LARS1: variants seen among roughly 807,000 people sequenced by gnomAD.
LARS1 encodes leucine--tRNA ligase, cytoplasmic.
Under a neutral mutation model 162.8 loss-of-function variants are expected in LARS1, and 100 were observed. That is an observed-to-expected ratio of 0.61 (90% confidence interval 0.52 to 0.73). The LOEUF (loss-of-function observed/expected upper bound fraction) is 0.73. LARS1 is among the 30% of genes least tolerant of loss of function. The pLI, the probability that LARS1 is intolerant of heterozygous loss-of-function variation, is 0.00. For missense variants in LARS1, 1,258 were observed against 1,408.9 expected, an observed-to-expected ratio of 0.89 and a Z score of 1.71; for synonymous variants, 457 against 462.8, an observed-to-expected ratio of 0.99 and a Z score of 0.16.
Position 146,174,492 on chromosome 5 carries a change from A to ATG in LARS1, c.126-1719_126-1718insCA, listed in dbSNP as rs1754432280. 1.6e-4 allele frequency among the ~76,000 whole-genome samples: 2 copies of ATG among 12,828 alleles called. 1 individual carries two copies. The highest frequency in any genetic ancestry group is 2.8e-4 in the Non-Finnish European group (2 of 7,116). The allele number at this position is 12,828 out of a possible 152,430, so 8.4% of individuals were successfully genotyped here. ...TATATATATATATATATCCATATAT[A>ATG]TATATATCCATATATATATATATAT... On this transcript the variant is annotated intron_variant, in intron 2 of 31. Coordinates refer to ENST00000394434, the MANE Select transcript of LARS1 (RefSeq NM_020117.11).
In LARS1 at chr5:146,158,632, TAAGC is replaced by T. The variant is rs148566523; in HGVS notation, c.771+771_771+774del. 6.6e-5 allele frequency among the ~76,000 whole-genome samples: 10 copies of T among 152,308 alleles called. No homozygotes were observed. In the East Asian group the frequency reaches 1.9e-3, roughly 29 times the overall value. ...GGCATGGCTAGAATTACTTTGGAAA[TAAGC>T]AAGAAGGCACATGATCAAAGCAAAT... On this transcript the variant is annotated intron_variant, in intron 8 of 31. Coordinates refer to ENST00000394434, the MANE Select transcript of LARS1 (RefSeq NM_020117.11).
At chr5:146,168,436 G>A (rs1011797090) in intron 4 of LARS1, among the ~76,000 whole-genome samples, 171 bp from the exon 5 acceptor site, 6 of 152,128 alleles carry the variant, frequency 3.9e-5, no homozygotes, top group African/African-American at 7.2e-5. Flanking sequence ...AGTGGCTCAC[G>A]CCTATAATCC....
At chr5:146,180,194 T>C (rs1283735505) in intron 1 of LARS1, among the ~76,000 whole-genome samples, 2 of 152,170 alleles carry the variant, frequency 1.3e-5, no homozygotes, top group Non-Finnish European at 2.9e-5. Flanking sequence ...ATGATTGCAC[T>C]ACTGCACTGC....
chr5:146,160,813 C>T (rs1753747061), intron 6 of LARS1, among the ~76,000 whole-genome samples: 1 of 152,222 alleles, frequency 6.6e-6, no homozygotes. Flanking sequence ...CTCCTTTCTA[C>T]TAATTGTTAA....
chr5:146,149,530 C>T, intron 15 of LARS1, 92 bp downstream of exon 15: 1 of 856,350 alleles, frequency 1.2e-6, no homozygotes, highest in East Asian at 2.4e-5. Flanking sequence ...ATTATAGCTC[C>T]AGGTTCTACT....
chr5:146,129,013 G>A lies in LARS1; in HGVS notation c.2734C>T (p.Arg912Ter), dbSNP rs199516658. The change falls in exon 26 of 32, where the codon CGA (arginine) becomes TGA (stop). Residue 912 changes from arginine to a stop codon, truncating the protein, a stop_gained. Transcript: ENST00000394434. LOFTEE classifies it high-confidence loss of function. ...LMEVTHDLRL[R>*]LKNYMMPAKG... ...GCTGGCATCATATAGTTCTTGAGTC[G>A]TAGTCTAAGGTCATGTGTTACTTCC... 27 of 1,604,252 alleles carry A rather than the reference G, an allele frequency of 1.7e-5. No individual in the cohort carries two copies. The highest frequency in any genetic ancestry group is 4.0e-5 in the African/African-American group (3 of 74,224).
At chr5:146,125,937 T>C (rs1369979258) in intron 28 of LARS1, among the ~76,000 whole-genome samples, 1 of 151,984 alleles carries the variant, frequency 6.6e-6, no homozygotes, top group African/African-American at 2.4e-5. Context: ...TGGCTTCTAA[T>C]GAGTAGAAGC....
At chr5:146,177,733 C>G (rs958857329) in intron 1 of LARS1, 68 bp from the exon 2 acceptor site, 1 of 732,888 alleles carries the variant, frequency 1.4e-6, no homozygotes, top group Admixed American at 2.3e-5. Flanking sequence ...GAATTGGGTT[C>G]ACAGAACTGA....
chr5:146,155,788 C>T (rs1242560346), intron 10 of LARS1, among the ~76,000 whole-genome samples: 2 of 152,204 alleles, frequency 1.3e-5, no homozygotes, highest in African/African-American at 4.8e-5. Flanking sequence ...AGAAAAGTTG[C>T]ATTAAGAATA....
chr5:146,154,424 C>T (rs1399922639), intron 10 of LARS1, among the ~76,000 whole-genome samples: 1 of 152,200 alleles, frequency 6.6e-6, no homozygotes, highest in Admixed American at 6.5e-5. Context: ...TTAGCCATTT[C>T]ACAATGTATA....
At chr5:146,165,242 G>A (rs940965622) in intron 5 of LARS1, among the ~76,000 whole-genome samples, 3 of 152,160 alleles carry the variant, frequency 2.0e-5, no homozygotes, top group African/African-American at 7.2e-5. Context: ...GCTGAGGCAG[G>A]AGAATCACTT....
chr5:146,122,676 G>C (rs1751879530), intron 29 of LARS1, 89 bp from the exon 30 acceptor site: 2 of 609,058 alleles, frequency 3.3e-6, no homozygotes, highest in Non-Finnish European at 5.8e-6. Context: ...AACAAAACTA[G>C]GTTCTCCAGT....
chr5:146,177,483 A>AATATATATAT (rs36005893), intron 2 of LARS1, 64 bp downstream of exon 2: 6 of 120,722 alleles, frequency 5.0e-5, no homozygotes, highest in Admixed American at 1.1e-4. Context: ...AAAAAAAAAA[A>AATATATATAT]ATATATATAT....
chr5:146,142,771 T>C, intron 20 of LARS1, 101 bp downstream of exon 20: 1 of 889,548 alleles, frequency 1.1e-6, no homozygotes, highest in South Asian at 1.8e-5. Flanking sequence ...AACTGGCAAA[T>C]CTATACCATC....
At position 146,142,180 on chromosome 5, in the gene LARS1, C is replaced by T. The variant is rs187327713; in HGVS notation, c.2090+692G>A. 3.5e-3 allele frequency among the ~76,000 whole-genome samples: 537 copies of T among 151,930 alleles called. 6 individuals carry two copies. Among genetic ancestry groups the T allele is most frequent in the South Asian group, 0.03 (143 of 4,794 alleles). ...TGTCTCAAAAAAAATAAAAAATATT[C>T]GGGAGGCTGAGACAGGAGAATTGCT... On this transcript the variant is annotated intron_variant, in intron 20 of 31. Coordinates refer to ENST00000394434, the MANE Select transcript of LARS1 (RefSeq NM_020117.11).
At chr5:146,128,646 G>C in intron 27 of LARS1, 26 bp downstream of exon 27, 1 of 1,455,242 alleles carries the variant, frequency 6.9e-7, no homozygotes, top group Non-Finnish European at 9.3e-7. Flanking sequence ...CACCATCAGG[G>C]GGGAAAAGTC....
In LARS1 at chr5:146,124,237, C is replaced by T; in HGVS notation, c.2992-151G>A. 5.5e-6 allele frequency: 3 copies of T among 542,436 alleles called. No homozygotes were observed. The South Asian group carries it at 8.6e-5, about 16-fold the overall frequency. 33.6% of individuals were successfully genotyped at this position (542,436 alleles called of 1,614,324 possible). ...GGCCTTGGACTCATGATTTCCTTTA[C>T]CTACATTTGCTTGTTAATGAAATTT... On this transcript the variant is annotated intron_variant, in intron 28 of 31. Transcript: ENST00000394434.
At position 146,140,176 on chromosome 5, in the gene LARS1, T is replaced by A. The variant is rs771197828; in HGVS notation, c.2148+28A>T. ...ATCTGAAAAGCCTTCCACAGAATTT[T>A]AAACTTTTAAGATGCAATAAGCCTT... is the stretch of plus-strand genomic sequence containing the variant. On this transcript the variant is annotated intron_variant, in intron 21 of 31. Transcript: ENST00000394434. 10 of 1,575,882 alleles carry A rather than the reference T, an allele frequency of 6.3e-6. No individual in the cohort carries two copies. In the Admixed American group the frequency reaches 1.6e-4, roughly 24 times the overall value.
chr5:146,168,356 C>CTGAAATTT, intron 4 of LARS1, 91 bp from the exon 5 acceptor site: 1 of 1,423,402 alleles, frequency 7.0e-7, no homozygotes, highest in Non-Finnish European at 9.4e-7. Flanking sequence ...AAAATTGACT[C>CTGAAATTT]TGAAATTTTT....
Sources: gnomAD v4.1 joint callset for allele counts (sites outside exome capture counted in the v4.1 genomes callset) on GRCh38, gnomAD v4.1.1 for gene constraint, MANE v1.5 for transcripts, NCBI Gene and HGNC (gene_info 2026-07-23, HGNC 2026-07-21) for gene names.